The following NHEJ1 variants were observed in gnomAD, a reference collection of about 807,000 sequenced individuals.
The protein encoded by NHEJ1 is non-homologous end-joining factor 1.
Under a neutral mutation model 39.4 loss-of-function variants are expected in NHEJ1, and 22 were observed. That is an observed-to-expected ratio of 0.56 (90% CI 0.40 to 0.80). The LOEUF is 0.80. Ranked by LOEUF, NHEJ1 falls within the 30% of genes least tolerant of loss-of-function variation. The pLI is 0.00. For missense variants in NHEJ1, 329 were observed against 357.1 expected (o/e 0.92, Z 0.63); for synonymous variants, 154 against 135.6 (o/e 1.14, Z -0.94).
At chr2:219,143,671 T>C (rs903501676) in intron 5 of NHEJ1, among the ~76,000 whole-genome samples, 12 of 152,202 alleles carry the variant, frequency 7.9e-5, no homozygotes, top group African/African-American at 2.2e-4. Context: ...GTCTATGAGG[T>C]TGATCCACCC....
At chr2:219,081,245 G>A (rs1280861798) in intron 5 of NHEJ1, among the ~76,000 whole-genome samples, 1 of 152,192 alleles carries the variant, frequency 6.6e-6, no homozygotes, top group Non-Finnish European at 1.5e-5. Context: ...GAGAGGTGGA[G>A]AGGCAGGAGC....
chr2:219,115,231 C>T (rs1949401990), intron 5 of NHEJ1, among the ~76,000 whole-genome samples: 1 of 152,062 alleles, frequency 6.6e-6, no homozygotes, highest in African/African-American at 2.4e-5. Flanking sequence ...TAATGTTTTT[C>T]CACCAGTGGA....
Position 219,073,890 on chromosome 2 carries a change from T to TG in NHEJ1, c.*2490dup, listed in dbSNP as rs1005774873. ...TCGACCCTTTTATGTGCATGTAGAG[T>TG]GGGGGTTGGGCCAGGCTGGGGGCCT... On this transcript the variant is annotated 3_prime_UTR_variant, in exon 8 of 8. Transcript: ENST00000356853. Among the ~76,000 whole-genome samples, 7 of 151,560 alleles carry TG rather than the reference T, an allele frequency of 4.6e-5. No individual in the cohort carries two copies. Among genetic ancestry groups the TG allele is most frequent in the African/African-American group, 1.7e-4 (7 of 41,242 alleles).
chr2:219,147,938 A>C, intron 3 of NHEJ1, 143 bp from the exon 4 acceptor site: 3 of 775,512 alleles, frequency 3.9e-6, no homozygotes, highest in Middle Eastern at 3.6e-4. Flanking sequence ...ATTTACATGA[A>C]TGTAAACACA....
chr2:219,083,270 A>G (rs1473496604), intron 5 of NHEJ1, among the ~76,000 whole-genome samples: 3 of 152,174 alleles, frequency 2.0e-5, no homozygotes, highest in East Asian at 1.9e-4. Flanking sequence ...TCCAAATGAA[A>G]TCCCTAAATC....
intron 5 of NHEJ1, among the ~76,000 whole-genome samples, chr2:219,114,398 A>G (rs1490646251): frequency 1.3e-5 from 2 of 152,232 alleles, no homozygotes; most frequent in Non-Finnish European, 2.9e-5. Flanking sequence ...GTCCCTAAGC[A>G]GATCATGTGC....
chr2:219,113,412 T>A (rs889094331), intron 5 of NHEJ1, among the ~76,000 whole-genome samples: 2 of 152,162 alleles, frequency 1.3e-5, no homozygotes, highest in African/African-American at 4.8e-5. Context: ...ATCCTCCAGG[T>A]AGGGACCAGC....
chr2:219,123,111 G>A (rs1949486569), intron 5 of NHEJ1, among the ~76,000 whole-genome samples: 1 of 152,144 alleles, frequency 6.6e-6, no homozygotes, highest in Admixed American at 6.5e-5. Flanking sequence ...ACTCAATTCA[G>A]AAAAACACTG....
rs1948961329 is a variant in NHEJ1, at chr2:219,071,985, A to G, written c.*4396T>C. Among the ~76,000 whole-genome samples the G allele has an allele frequency of 6.6e-6, 1 of 152,180 alleles. No individual in the cohort carries two copies. The highest frequency in any genetic ancestry group is 1.5e-5 in the Non-Finnish European group (1 of 68,020). ...CTAGGATAGAGAACTGAGAGCCCAG[A>G]GCTGAGAGGATACATAAAAGGCCAC... On this transcript the variant is annotated 3_prime_UTR_variant, in exon 8 of 8. Coordinates refer to ENST00000356853, the MANE Select transcript of NHEJ1 (RefSeq NM_024782.3).
At chr2:219,079,690 G>A (rs1415834965) in intron 5 of NHEJ1, among the ~76,000 whole-genome samples, 1 of 152,120 alleles carries the variant, frequency 6.6e-6, no homozygotes, top group Non-Finnish European at 1.5e-5. Context: ...ACTGAAACAG[G>A]GAAGGTAAAC....
chr2:219,087,652 C>T (rs1437951375), intron 5 of NHEJ1, among the ~76,000 whole-genome samples: 2 of 152,086 alleles, frequency 1.3e-5, no homozygotes, highest in Non-Finnish European at 1.5e-5. Context: ...TATAGGGTGA[C>T]GCACCACCTC....
intron 5 of NHEJ1, among the ~76,000 whole-genome samples, chr2:219,146,019 G>C (rs1949736280): frequency 6.6e-6 from 1 of 152,072 alleles, no homozygotes; most frequent in Admixed American, 6.6e-5. Flanking sequence ...AAGAGGGAGG[G>C]AAGGAGAAGA....
rs1157513300 is a variant in NHEJ1 at position 219,076,408 on chromosome 2, C to G, written c.873G>C (p.Arg291Ser). ...LQRPQLSKVK[R>S]KKPRGLFS is the part of the protein sequence containing the mutation. ...AACTGAAGAGACCCCTTGGCTTCTT[C>G]CTCTTGACCTTTGACAGCTGAGGTC... Residue 291 changes from arginine (R) to serine (S), a missense_variant, in exon 8 of 8, where the codon AGG becomes AGC. Arg to Ser is a moderately radical substitution (Grantham distance 110, BLOSUM62 -1). Coordinates refer to ENST00000356853, the MANE Select transcript of NHEJ1 (RefSeq NM_024782.3). The G allele has an allele frequency of 6.2e-7, 1 of 1,614,138 alleles. No homozygotes were observed. Among genetic ancestry groups the G allele is most frequent in the South Asian group, 1.1e-5 (1 of 91,076 alleles).
chr2:219,083,448 A>C (rs1379026398), intron 5 of NHEJ1, among the ~76,000 whole-genome samples: 1 of 142,768 alleles, frequency 7.0e-6, no homozygotes, highest in African/African-American at 2.6e-5. Flanking sequence ...AAGGCTATTC[A>C]GGAATTAGAA....
intron 4 of NHEJ1, 92 bp from the exon 5 acceptor site, chr2:219,146,830 A>T (rs1183479432): frequency 1.0e-6 from 1 of 979,800 alleles, no homozygotes; most frequent in Non-Finnish European, 1.6e-6. Context: ...GCTACTTAGG[A>T]AAGAGGAGGA....
intron 3 of NHEJ1, among the ~76,000 whole-genome samples, chr2:219,153,106 G>C (rs948990603): frequency 7.2e-5 from 11 of 152,076 alleles, no homozygotes; most frequent in African/African-American, 2.7e-4. Context: ...CCTGGCCCCA[G>C]CATCTCTTTT....
In NHEJ1 at chr2:219,076,371, C is replaced by T; in HGVS notation, c.*10G>A. On this transcript the variant is annotated 3_prime_UTR_variant, in exon 8 of 8. Coordinates refer to ENST00000356853, the MANE Select transcript of NHEJ1 (RefSeq NM_024782.3). ...CCAAGTCCATCCTCAGCAGCTGAGG[C>T]CACAACAGATTAACTGAAGAGACCC... is the stretch of plus-strand genomic sequence containing the variant. 1 of 1,614,046 alleles carries T rather than the reference C, an allele frequency of 6.2e-7. No individual in the cohort carries two copies. Among genetic ancestry groups the T allele is most frequent in the Non-Finnish European group, 8.5e-7 (1 of 1,179,960 alleles).
At chr2:219,125,197 T>C (rs533608564) in intron 5 of NHEJ1, among the ~76,000 whole-genome samples, 1 of 147,404 alleles carries the variant, frequency 6.8e-6, no homozygotes, top group East Asian at 2.0e-4. Context: ...TAGTGCAGAG[T>C]AAGGGGGAGG....
intron 5 of NHEJ1, among the ~76,000 whole-genome samples, chr2:219,093,078 C>T (rs2106328608): frequency 6.6e-6 from 1 of 152,218 alleles, no homozygotes; most frequent in East Asian, 1.9e-4. Flanking sequence ...TGTATATTAA[C>T]AGCCTTCCAG....
Sources: allele counts gnomAD v4.1 joint callset (sites outside exome capture counted in the v4.1 genomes callset), GRCh38; gene constraint gnomAD v4.1.1; transcripts MANE v1.5; gene names NCBI Gene and HGNC (gene_info 2026-07-23, HGNC 2026-07-21).